Variants in KCNQ1OT1 observed in about 807,000 individuals in gnomAD.
KCNQ1OT1 encodes the protein KCNQ1 opposite strand/antisense transcript 1.
At chr11:2,632,182 C>CAAAAAAAAAAAAAAA (rs34998500) in exon 1 of KCNQ1OT1, 2 of 258,768 alleles carry the variant, frequency 7.7e-6, no homozygotes, top group African/African-American at 3.4e-5. Flanking sequence ...GACTCTGCCT[C>CAAAAAAAAAAAAAAA]AAAAAAAAAA....
rs1293240118 is a variant in KCNQ1OT1, at chr11:2,674,406, T to C, written n.25589A>G. On this transcript the variant is annotated non_coding_transcript_exon_variant, in exon 1 of 1. Coordinates refer to ENST00000597346, the Ensembl canonical transcript of KCNQ1OT1. This position sits in a 1 kb window ranked among gnomAD's most constrained non-coding sequence, Gnocchi z 5.9. ...GAAGGTGCATGCGTGCGTGTGTGTG[T>C]GCGCGCCCGCGCGCACACGACCACA... The C allele has an allele frequency of 1.0e-4, 15 of 148,604 alleles. No individual in the cohort carries two copies. The highest frequency in any genetic ancestry group is 2.0e-4 in the Non-Finnish European group (14 of 68,550). 9.2% of individuals were successfully genotyped at this position (148,604 alleles called of 1,614,324 possible).
exon 1 of KCNQ1OT1, chr11:2,616,683 T>C (rs1849069924): frequency 5.0e-6 from 2 of 398,112 alleles, no homozygotes; most frequent in Admixed American, 4.4e-5. Context: ...TTTCCCTGAA[T>C]TTGTTAATTT....
chr11:2,656,192 T>TA lies in KCNQ1OT1; in HGVS notation n.43802dup, dbSNP rs908514954. The TA allele has an allele frequency of 3.8e-5, 15 of 398,344 alleles. 1 individual carries two copies. The highest frequency in any genetic ancestry group is 3.1e-4 in the Admixed American group (7 of 22,710). The allele number at this position is 398,344 out of a possible 1,614,324, so 24.7% of individuals were successfully genotyped here. The stretch of plus-strand genomic sequence containing the variant: ...TATGTTTTTTCTTTCTTCCTTCCTT[T>TA]AAAAAAAATTGAATCCTGGATGAAG... On this transcript the variant is annotated non_coding_transcript_exon_variant, in exon 1 of 1. Transcript: ENST00000597346.
In KCNQ1OT1 at chr11:2,651,939, C is replaced by T. The variant is rs574624989; in HGVS notation, n.48056G>A. 2.5e-6 allele frequency: 1 copy of T among 398,704 alleles called. No individual in the cohort carries two copies. Among genetic ancestry groups the T allele is most frequent in the South Asian group, 1.3e-4 (1 of 7,854 alleles). 24.7% of individuals were successfully genotyped at this position (398,704 alleles called of 1,614,324 possible). A position where few individuals can be genotyped will look rare whatever the true frequency, so the allele number is the denominator to read the frequency against. ...TTGCTCTCCTCCTACTCACAGCCCT[C>T]CTGCAGCCAGCAGCAGTGGGGGAGC... On this transcript the variant is annotated non_coding_transcript_exon_variant, in exon 1 of 1. Transcript: ENST00000597346. The surrounding 1 kb of genome is among the most constrained non-coding windows in gnomAD (Gnocchi z 6.1).
chr11:2,624,831 A>G lies in KCNQ1OT1; in HGVS notation n.75164T>C, dbSNP rs1849238104. 2.5e-6 allele frequency: 1 copy of G among 398,606 alleles called. No homozygotes were observed. Among genetic ancestry groups the G allele is most frequent in the Non-Finnish European group, 4.4e-6 (1 of 226,060 alleles). 24.7% of individuals were successfully genotyped at this position (398,606 alleles called of 1,614,324 possible). A position where few individuals can be genotyped will look rare whatever the true frequency, so the allele number is the denominator to read the frequency against. On this transcript the variant is annotated non_coding_transcript_exon_variant, in exon 1 of 1. Transcript: ENST00000597346. The surrounding 1 kb of genome is among the most constrained non-coding windows in gnomAD (Gnocchi z 4.9). ...CTACATACCTCATATAAGTGGAAAC[A>G]TACAGTACTTCTCTTCTTGTGACTG...
chr11:2,643,700 T>C, exon 1 of KCNQ1OT1: 1 of 398,568 alleles, frequency 2.5e-6, no homozygotes, highest in Non-Finnish European at 4.4e-6. Flanking sequence ...TGATTTCTGA[T>C]TATTTTGTGT....
At chr11:2,684,813 T>C in exon 1 of KCNQ1OT1, 1 of 398,650 alleles carries the variant, frequency 2.5e-6, no homozygotes, top group Admixed American at 4.4e-5. Context: ...TTCCAAGGCT[T>C]GAGGTCTCCT....
exon 1 of KCNQ1OT1, chr11:2,643,132 C>A (rs1590000511): frequency 2.5e-6 from 1 of 398,034 alleles, no homozygotes; most frequent in African/African-American, 2.1e-5. Context: ...AGTGTATATT[C>A]TGCAGCTGTT....
In KCNQ1OT1 at chr11:2,683,429, G is replaced by A; in HGVS notation, n.16566C>T. On this transcript the variant is annotated non_coding_transcript_exon_variant, in exon 1 of 1. Transcript: ENST00000597346. This position sits in a 1 kb window ranked among gnomAD's most constrained non-coding sequence, Gnocchi z 4.7. ...ATGGCTAAGCTTTCCCCAGGAATGG[G>A]TAACTGGAAAAATGTAGGAATTACA... is the stretch of plus-strand genomic sequence containing the variant. 1 of 398,612 alleles carries A rather than the reference G, an allele frequency of 2.5e-6. No individual in the cohort carries two copies. Among genetic ancestry groups the A allele is most frequent in the Non-Finnish European group, 4.4e-6 (1 of 226,068 alleles). The allele number at this position is 398,612 out of a possible 1,614,324, so 24.7% of individuals were successfully genotyped here.
exon 1 of KCNQ1OT1, chr11:2,650,255 T>A: frequency 2.5e-6 from 1 of 398,628 alleles, no homozygotes; most frequent in Non-Finnish European, 4.4e-6. Flanking sequence ...CCTTAAGATT[T>A]CCTTTACTTT....
Position 2,647,109 on chromosome 11 carries a change from G to T in KCNQ1OT1, n.52886C>A, listed in dbSNP as rs1849678089. On this transcript the variant is annotated non_coding_transcript_exon_variant, in exon 1 of 1. Coordinates refer to ENST00000597346, the Ensembl canonical transcript of KCNQ1OT1. The surrounding 1 kb of genome is among the most constrained non-coding windows in gnomAD (Gnocchi z 4.0). ...TTAGCTTTTCCCCAGGTGGCTGTGGGTTTGTCATATATGACCTTCATTGAG... is the reference window on the plus strand; with the variant it reads ...TTAGCTTTTCCCCAGGTGGCTGTGGTTTTGTCATATATGACCTTCATTGAG... The T allele has an allele frequency of 2.5e-6, 1 of 398,366 alleles. No individual in the cohort carries two copies. The highest frequency in any genetic ancestry group is 3.6e-5 in the East Asian group (1 of 28,046). The allele number at this position is 398,366 out of a possible 1,614,324, so 24.7% of individuals were successfully genotyped here. A position where few individuals can be genotyped will look rare whatever the true frequency, so the allele number is the denominator to read the frequency against.
At chr11:2,660,652 A>G (rs910848561) in exon 1 of KCNQ1OT1, 2 of 398,562 alleles carry the variant, frequency 5.0e-6, no homozygotes, top group African/African-American at 4.1e-5. Flanking sequence ...AATAACAGCA[A>G]TGCCTCAGTT....
rs1850245080 is a variant in KCNQ1OT1 at position 2,674,224 on chromosome 11, G to A, written n.25771C>T. On this transcript the variant is annotated non_coding_transcript_exon_variant, in exon 1 of 1. Coordinates refer to ENST00000597346, the Ensembl canonical transcript of KCNQ1OT1. This position sits in a 1 kb window ranked among gnomAD's most constrained non-coding sequence, Gnocchi z 5.9. ...AGTTGTGGGTTTTTCTTGGGGCCCA[G>A]ATAGATGTGAGCAGAGCTGGAGGCC... 1 of 398,626 alleles carries A rather than the reference G, an allele frequency of 2.5e-6. No individual in the cohort carries two copies. Among genetic ancestry groups the A allele is most frequent in the Admixed American group, 4.4e-5 (1 of 22,722 alleles). 24.7% of individuals were successfully genotyped at this position (398,626 alleles called of 1,614,324 possible). A position where few individuals can be genotyped will look rare whatever the true frequency, so the allele number is the denominator to read the frequency against.
In KCNQ1OT1 at chr11:2,690,741, G is replaced by T; in HGVS notation, n.9254C>A. ...ATCCCAGTGGTTGAAGATGGAGTAT[G>T]ATCCCAAATCCCTTAGGTGGATGTG... On this transcript the variant is annotated non_coding_transcript_exon_variant, in exon 1 of 1. Transcript: ENST00000597346. The surrounding 1 kb of genome is among the most constrained non-coding windows in gnomAD (Gnocchi z 5.1). 1 of 398,658 alleles carries T rather than the reference G, an allele frequency of 2.5e-6. No homozygotes were observed. Among genetic ancestry groups the T allele is most frequent in the South Asian group, 1.3e-4 (1 of 7,858 alleles). The allele number at this position is 398,658 out of a possible 1,614,324, so 24.7% of individuals were successfully genotyped here. A position where few individuals can be genotyped will look rare whatever the true frequency, so the allele number is the denominator to read the frequency against.
exon 1 of KCNQ1OT1, chr11:2,631,662 A>G (rs917067970): frequency 7.5e-6 from 3 of 398,408 alleles, no homozygotes; most frequent in Non-Finnish European, 8.8e-6. Context: ...TGTTACAATG[A>G]ATTGAAATCT....
exon 1 of KCNQ1OT1, chr11:2,629,614 C>T: frequency 2.5e-6 from 1 of 398,478 alleles, no homozygotes; most frequent in Non-Finnish European, 4.4e-6. Flanking sequence ...ATGGACATGG[C>T]ATGCTTGTCA....
exon 1 of KCNQ1OT1, chr11:2,684,485 G>C: frequency 2.5e-6 from 1 of 398,660 alleles, no homozygotes; most frequent in Non-Finnish European, 4.4e-6. Context: ...CTTTCTGGCT[G>C]AGTTCTCCTT....
exon 1 of KCNQ1OT1, chr11:2,619,824 T>C (rs1053440952): frequency 2.5e-6 from 1 of 398,646 alleles, no homozygotes; most frequent in Non-Finnish European, 4.4e-6. Flanking sequence ...TATCTGGTCC[T>C]GGGCTTTTCT....
exon 1 of KCNQ1OT1, chr11:2,697,767 G>A (rs552462397): frequency 2.5e-6 from 1 of 398,588 alleles, no homozygotes; most frequent in East Asian, 3.6e-5. Context: ...GATTCAGTTA[G>A]CTAGCATTGT....
Sources: gnomAD v4.1 joint callset for allele counts on GRCh38, gnomAD v4.1.1 for gene constraint, Gnocchi (gnomAD v3.1) non-coding constraint, MANE v1.5 for transcripts, NCBI Gene and HGNC (gene_info 2026-07-23, HGNC 2026-07-21) for gene names.